Variants in AHDC1 observed in about 807,000 individuals in gnomAD.
AHDC1 encodes AT-hook DNA binding motif containing 1.
In AHDC1, 7 loss-of-function variants were observed where a neutral mutation model predicts 87.9. That is an observed-to-expected ratio of 0.08 (90% CI 0.05 to 0.15). The LOEUF (loss-of-function observed/expected upper bound fraction) is 0.15, where lower values mean the gene tolerates loss of function less well. AHDC1 is among the 10% of genes least tolerant of loss of function. AHDC1 has a pLI of 1.00. For synonymous variants in AHDC1, 1,051 were observed against 1,006.8 expected (o/e 1.04, Z -0.83); for missense variants, 1,841 against 2,253.2 (o/e 0.82, Z 3.70).
At chr1:27,553,303 G>A (rs2019661029) in intron 5 of AHDC1, 118 bp from the exon 6 acceptor site, 1 of 152,250 alleles carries the variant, frequency 6.6e-6, no homozygotes, top group Admixed American at 6.5e-5. Flanking sequence ...GTGAGGTAGG[G>A]GCTATTAATA....
intron 3 of AHDC1, among the ~76,000 whole-genome samples, chr1:27,594,861 G>C (rs924464162): frequency 6.6e-6 from 1 of 152,108 alleles, no homozygotes; most frequent in South Asian, 2.1e-4. Flanking sequence ...GCGGAGCACA[G>C]AATGGGTGCA....
At position 27,547,035 on chromosome 1, in the gene AHDC1, G is replaced by A. The variant is rs141382761; in HGVS notation, c.*43+226C>T. Among the ~76,000 whole-genome samples, 25 of 148,408 alleles carry A rather than the reference G, an allele frequency of 1.7e-4. 1 individual carries two copies. In the East Asian group the frequency reaches 4.4e-3, roughly 26 times the overall value. On this transcript the variant is annotated intron_variant, in intron 8 of 8. Coordinates refer to ENST00000673934, the MANE Select transcript of AHDC1 (RefSeq NM_001371928.1). The surrounding 1 kb of genome is among the most constrained non-coding windows in gnomAD (Gnocchi z 4.9). ...CCATTTCAATTCACAAGACCCCCCC[G>A]AACGTTCAAGCCCCCTGCTGAGTTC... is the stretch of plus-strand genomic sequence containing the variant.
chr1:27,590,276 A>C lies in AHDC1; in HGVS notation c.-629+13121T>G, dbSNP rs986669212. On this transcript the variant is annotated intron_variant, in intron 3 of 8. Transcript: ENST00000673934. This position sits in a 1 kb window ranked among gnomAD's most constrained non-coding sequence, Gnocchi z 5.4. The stretch of plus-strand genomic sequence containing the variant: ...GGGTCCCTGGGGCCAGGCAGCAGCG[A>C]GTTCCCTGGGGAGCTGGGCGGGGAG... Among the ~76,000 whole-genome samples, 2 of 152,166 alleles carry C rather than the reference A, an allele frequency of 1.3e-5. No homozygotes were observed. Among genetic ancestry groups the C allele is most frequent in the Non-Finnish European group, 2.9e-5 (2 of 68,006 alleles).
chr1:27,569,982 TGGA>T (rs888392897), intron 3 of AHDC1, among the ~76,000 whole-genome samples: 2 of 152,102 alleles, frequency 1.3e-5, no homozygotes, highest in African/African-American at 4.8e-5. Flanking sequence ...CTAGACTCCC[TGGA>T]GCTGACCTTT....
At position 27,549,641 on chromosome 1, in the gene AHDC1, C is replaced by G. The variant is rs762109511; in HGVS notation, c.2475G>C (p.Gln825His). ...TTTGGCGCTCCTGGCTGAGCTCGGT[C>G]TGGCCTGAGGGTGCACCCGTGCTGT... is the stretch of plus-strand genomic sequence containing the variant. ...SYYSTGAPSG[Q>H]TELSQERQNL... The change falls in exon 8 of 9, where the codon CAG becomes CAC. Residue 825 changes from glutamine to histidine, a missense_variant. Physicochemically the swap from Gln to His is conservative, Grantham distance 24. Around this residue, in one of 13 missense-constraint regions of AHDC1, gnomAD observed 236 missense variants for 257.9 expected, o/e 0.92. Coordinates refer to ENST00000673934, the MANE Select transcript of AHDC1 (RefSeq NM_001371928.1). 93 of 1,613,018 alleles carry G rather than the reference C, an allele frequency of 5.8e-5. No homozygotes were observed. Among genetic ancestry groups the G allele is most frequent in the Non-Finnish European group, 5.9e-6 (7 of 1,180,034 alleles).
At chr1:27,592,494 C>A (rs1293985299) in intron 3 of AHDC1, among the ~76,000 whole-genome samples, 1 of 152,278 alleles carries the variant, frequency 6.6e-6, no homozygotes, top group South Asian at 2.1e-4. Context: ...CCCTGTGGGA[C>A]CCCCACTTCA....
rs375084806 is a variant in AHDC1 at position 27,569,747 on chromosome 1, C to T, written c.-628-10864G>A. On this transcript the variant is annotated intron_variant, in intron 3 of 8. Coordinates refer to ENST00000673934, the MANE Select transcript of AHDC1 (RefSeq NM_001371928.1). ...GCAGGCTCACCTCCACCTCCCCTGA[C>T]CCCCGGATGACAAAGCACTGCCATA... Among the ~76,000 whole-genome samples the T allele has an allele frequency of 1.4e-4, 22 of 152,250 alleles. No homozygotes were observed. In the East Asian group the frequency reaches 4.2e-3, roughly 29 times the overall value.
chr1:27,551,654 G>A lies in AHDC1; in HGVS notation c.462C>T (p.Arg154=). The A allele has an allele frequency of 1.9e-6, 3 of 1,613,590 alleles. No homozygotes were observed. Among genetic ancestry groups the A allele is most frequent in the Non-Finnish European group, 2.5e-6 (3 of 1,179,794 alleles). ...HLDCGGLRLS[R]PPAPPPGDLQ... ...GGTCGCCGGGTGGCGGTGCAGGCGG[G>A]CGGCTCAGTCGGAGCCCACCACAGT... The change falls in exon 8 of 9, where the codon CGC becomes CGT. Residue 154 remains arginine (R), a synonymous_variant. Coordinates refer to ENST00000673934, the MANE Select transcript of AHDC1 (RefSeq NM_001371928.1).
intron 3 of AHDC1, among the ~76,000 whole-genome samples, chr1:27,601,109 C>T (rs2089518249): frequency 6.6e-6 from 1 of 152,240 alleles, no homozygotes; most frequent in African/African-American, 2.4e-5. Context: ...ACAGCTCCTT[C>T]CATCACTACC....
chr1:27,588,845 G>A (rs1294159153), intron 3 of AHDC1, among the ~76,000 whole-genome samples: 1 of 152,182 alleles, frequency 6.6e-6, no homozygotes, highest in East Asian at 1.9e-4. Flanking sequence ...AAGGCTGTGT[G>A]TGCACAGGAT....
intron 5 of AHDC1, among the ~76,000 whole-genome samples, chr1:27,557,352 A>C (rs1571259299): frequency 4.2e-5 from 4 of 95,034 alleles, no homozygotes; most frequent in Non-Finnish European, 6.4e-5. Flanking sequence ...CTCCAGCCCC[A>C]CTAGGCCTTC....
intron 3 of AHDC1, among the ~76,000 whole-genome samples, chr1:27,594,214 G>A (rs2089303451): frequency 6.6e-6 from 1 of 152,150 alleles, no homozygotes; most frequent in Non-Finnish European, 1.5e-5. Flanking sequence ...GACTCCCAGG[G>A]AGACCAAGCC....
intron 3 of AHDC1, among the ~76,000 whole-genome samples, chr1:27,587,192 C>T (rs562087662): frequency 1.5e-4 from 23 of 152,250 alleles, no homozygotes; most frequent in South Asian, 1.5e-3. Flanking sequence ...AAACTGAGGC[C>T]GGGGAAGACA....
At chr1:27,568,872 G>A (rs1169606955) in intron 3 of AHDC1, among the ~76,000 whole-genome samples, 2 of 151,962 alleles carry the variant, frequency 1.3e-5, no homozygotes, top group Non-Finnish European at 2.9e-5. Context: ...GCGTACAAAA[G>A]GCGACTTGTT....
At chr1:27,594,359 G>A (rs1038336285) in intron 3 of AHDC1, among the ~76,000 whole-genome samples, 5 of 152,164 alleles carry the variant, frequency 3.3e-5, no homozygotes, top group Non-Finnish European at 7.4e-5. Context: ...GATTTGGCAA[G>A]CACTTGAAAA....
At position 27,551,333 on chromosome 1, in the gene AHDC1, G is replaced by A; in HGVS notation, c.783C>T (p.Ala261=). ...LTCPEAQLLE[A]QALEPPSPEP... ...CGGGCGATGGTGGCTCGAGGGCCTG[G>A]GCCTCTAGCAGCTGGGCCTCTGGGC... The change falls in exon 8 of 9, where the codon GCC becomes GCT. Residue 261 remains alanine (A), a synonymous_variant. Transcript: ENST00000673934. The A allele has an allele frequency of 6.2e-7, 1 of 1,613,208 alleles. No homozygotes were observed.
At chr1:27,555,619 G>A (rs963543410) in intron 5 of AHDC1, among the ~76,000 whole-genome samples, 1 of 152,188 alleles carries the variant, frequency 6.6e-6, no homozygotes, top group Non-Finnish European at 1.5e-5. Context: ...AACGAGAAAA[G>A]GGGCTCAGAC....
At position 27,549,583 on chromosome 1, in the gene AHDC1, C is replaced by G; in HGVS notation, c.2533G>C (p.Asp845His). 1 of 1,613,156 alleles carries G rather than the reference C, an allele frequency of 6.2e-7. No individual in the cohort carries two copies. The highest frequency in any genetic ancestry group is 1.1e-5 in the South Asian group (1 of 91,078). Residue 845 changes from aspartate to histidine, a missense_variant, in exon 8 of 9, where the codon GAT (aspartate) becomes CAT (histidine). Around this residue, in one of 13 missense-constraint regions of AHDC1, gnomAD observed 8 missense variants for 28.5 expected, o/e 0.28. Coordinates refer to ENST00000673934, the MANE Select transcript of AHDC1 (RefSeq NM_001371928.1). ...LFTGYFRSLL[D>H]SDDSSDLLDF... ...AAGAGATCGGAGGAGTCATCCGAAT[C>G]GAGCAGCGAGCGAAAGTAGCCGGTG...
chr1:27,575,825 C>G (rs1338484350), intron 3 of AHDC1, among the ~76,000 whole-genome samples: 1 of 148,988 alleles, frequency 6.7e-6, no homozygotes. Context: ...GCGGCCCGGC[C>G]TCGGTGTTTT....
Sources: allele counts gnomAD v4.1 joint callset (sites outside exome capture counted in the v4.1 genomes callset), GRCh38; gene constraint gnomAD v4.1.1; regional missense constraint gnomAD v4.1.1; non-coding constraint Gnocchi (gnomAD v3.1); transcripts MANE v1.5; gene names NCBI Gene and HGNC (gene_info 2026-07-23, HGNC 2026-07-21).